FCHSD2: variants seen among roughly 807,000 people sequenced by gnomAD.
FCHSD2 encodes FCH and double SH3 domains 2, also known as F-BAR and double SH3 domains protein 2.
A neutral mutation model predicts 108.1 loss-of-function variants in FCHSD2; 38 were observed. That is an observed-to-expected ratio of 0.35 (90% CI 0.27 to 0.46). The LOEUF (loss-of-function observed/expected upper bound fraction) is 0.46, where lower values mean the gene tolerates loss of function less well. Ranked by LOEUF, FCHSD2 falls within the 20% of genes least tolerant of loss-of-function variation. The pLI is 1.00. For missense variants in FCHSD2, 751 were observed against 897.8 expected (o/e 0.84, Z 2.09); for synonymous variants, 279 against 314.7 (o/e 0.89, Z 1.20).
At chr11:72,971,997 A>G (rs1046345286) in intron 8 of FCHSD2, among the ~76,000 whole-genome samples, 1 of 152,214 alleles carries the variant, frequency 6.6e-6, no homozygotes, top group Non-Finnish European at 1.5e-5. Flanking sequence ...TCAAAACTCA[A>G]CCAACCCTAT....
At position 72,993,973 on chromosome 11, in the gene FCHSD2, T is replaced by C. The variant is rs567068757; in HGVS notation, c.388-4876A>G. The stretch of plus-strand genomic sequence containing the variant: ...GCTTTGGGCTTCTGTGAGTACGGTG[T>C]ATCCGGACATGTCCCTTACAGGGAC... On this transcript the variant is annotated intron_variant, in intron 5 of 19. Coordinates refer to ENST00000409418, the MANE Select transcript of FCHSD2 (RefSeq NM_014824.3). Among the ~76,000 whole-genome samples the C allele has an allele frequency of 3.3e-5, 5 of 152,282 alleles. No homozygotes were observed. The South Asian group carries it at 8.3e-4, about 25-fold the overall frequency.
intron 3 of FCHSD2, among the ~76,000 whole-genome samples, chr11:73,044,938 C>T (rs767620442): frequency 4.0e-4 from 61 of 152,098 alleles, no homozygotes; most frequent in Non-Finnish European, 8.2e-4. Flanking sequence ...GGTGTGGTGA[C>T]ACGTGCCTGT....
At chr11:72,890,304 T>A (rs1855287389) in intron 10 of FCHSD2, among the ~76,000 whole-genome samples, 1 of 152,250 alleles carries the variant, frequency 6.6e-6, no homozygotes, top group Non-Finnish European at 1.5e-5. Context: ...GGTGATAAAA[T>A]CATTGCATAA....
intron 5 of FCHSD2, among the ~76,000 whole-genome samples, chr11:72,990,886 C>T (rs1197502627): frequency 1.3e-5 from 2 of 151,848 alleles, no homozygotes; most frequent in African/African-American, 4.8e-5. Context: ...AATAGAGACA[C>T]AAAAAAACCC....
intron 11 of FCHSD2, among the ~76,000 whole-genome samples, chr11:72,889,479 A>T (rs79280809): frequency 0.046 from 6,988 of 152,210 alleles, 227 homozygotes; most frequent in Non-Finnish European, 0.069. Flanking sequence ...TACAGAAAAA[A>T]CACATATAAT....
chr11:72,858,248 T>C (rs904352169), intron 13 of FCHSD2, among the ~76,000 whole-genome samples: 7 of 152,124 alleles, frequency 4.6e-5, no homozygotes, highest in African/African-American at 1.7e-4. Context: ...AAATACAACA[T>C]GAGTAAGTTA....
intron 8 of FCHSD2, among the ~76,000 whole-genome samples, chr11:72,973,547 T>C (rs563502477): frequency 2.8e-4 from 42 of 152,348 alleles, no homozygotes; most frequent in Admixed American, 6.5e-5. Flanking sequence ...CAGGGCATGA[T>C]ACTATCTAAG....
At chr11:72,962,127 A>G (rs1338631908) in intron 8 of FCHSD2, among the ~76,000 whole-genome samples, 1 of 152,190 alleles carries the variant, frequency 6.6e-6, no homozygotes, top group Non-Finnish European at 1.5e-5. Context: ...GAGGTTCTCA[A>G]GGTAAGATCA....
chr11:72,953,152 G>C (rs758899450), intron 8 of FCHSD2, among the ~76,000 whole-genome samples: 1 of 152,164 alleles, frequency 6.6e-6, no homozygotes, highest in Non-Finnish European at 1.5e-5. Flanking sequence ...AACAGTGCTG[G>C]ATCAGAAAGA....
At position 73,096,987 on chromosome 11, in the gene FCHSD2, ATTTTTTTT is replaced by A. The variant is rs60223064; in HGVS notation, c.120-13255_120-13248del. 1.3e-3 allele frequency among the ~76,000 whole-genome samples: 35 copies of A among 27,044 alleles called. 2 individuals carry two copies. The East Asian group carries it at 0.019, about 15-fold the overall frequency. 17.7% of individuals were successfully genotyped at this position (27,044 alleles called of 152,430 possible). A position where few individuals can be genotyped will look rare whatever the true frequency, so the allele number is the denominator to read the frequency against. On this transcript the variant is annotated intron_variant, in intron 2 of 19. Coordinates refer to ENST00000409418, the MANE Select transcript of FCHSD2 (RefSeq NM_014824.3). Reference sequence around the variant, plus strand: ...CTAATGTGATGTATTTCATTGATGGATTTTTTTTTTTTTTTTTTTTTTTTTTTTTGATG... The same window carrying A: ...CTAATGTGATGTATTTCATTGATGGATTTTTTTTTTTTTTTTTTTTTGATG...
rs749327485 is a variant in FCHSD2 at position 72,867,861 on chromosome 11, G to C, written c.1308+4C>G. On this transcript the variant is annotated splice_donor_region_variant and intron_variant, in intron 13 of 19. Coordinates refer to ENST00000409418, the MANE Select transcript of FCHSD2 (RefSeq NM_014824.3). ...CTTGTCATATCCAAGAAAAGAAATC[G>C]TACCGAGTGTAAAGTGCCATTACTG... is the stretch of plus-strand genomic sequence containing the variant. 43 of 1,610,090 alleles carry C rather than the reference G, an allele frequency of 2.7e-5. No homozygotes were observed. The South Asian group carries it at 4.8e-4, about 18-fold the overall frequency.
At chr11:73,084,334 A>G (rs2135515192) in intron 2 of FCHSD2, among the ~76,000 whole-genome samples, 1 of 152,316 alleles carries the variant, frequency 6.6e-6, no homozygotes, top group East Asian at 1.9e-4. Flanking sequence ...GTATGATGAG[A>G]GCACACTTTC....
chr11:72,926,487 T>A (rs1029394138), intron 8 of FCHSD2, among the ~76,000 whole-genome samples: 1 of 151,870 alleles, frequency 6.6e-6, no homozygotes, highest in African/African-American at 2.4e-5. Context: ...CAGAGACAAC[T>A]TGCCAGCAGA....
rs768211303 is a variant in FCHSD2 at position 73,001,111 on chromosome 11, G to C, written c.266C>G (p.Ser89Cys). 8.7e-6 allele frequency: 14 copies of C among 1,613,194 alleles called. No homozygotes were observed. Among genetic ancestry groups the C allele is most frequent in the Non-Finnish European group, 1.2e-5 (14 of 1,179,612 alleles). Residue 89 changes from serine (S) to cysteine (C), a missense_variant, in exon 5 of 20, where the codon TCT (serine) becomes TGT (cysteine). Ser to Cys is a moderately radical substitution (Grantham distance 112). Transcript: ENST00000409418. ...DYRSMYPVWK[S>C]FLEGTMQVAQ... ...TACCTGCATTGTTCCCTCGAGAAAA[G>C]ATTTCCAAACGGGATACATGCTCCT... is the stretch of plus-strand genomic sequence containing the variant.
chr11:72,889,581 C>T (rs750204292), intron 11 of FCHSD2, among the ~76,000 whole-genome samples: 8 of 152,120 alleles, frequency 5.3e-5, no homozygotes, highest in Non-Finnish European at 7.4e-5. Flanking sequence ...GGCATAGTGG[C>T]ATGTGCCTGT....
chr11:73,011,014 G>A (rs1397283602), intron 4 of FCHSD2, among the ~76,000 whole-genome samples: 1 of 152,176 alleles, frequency 6.6e-6, no homozygotes, highest in African/African-American at 2.4e-5. Flanking sequence ...GCCTGCAGGT[G>A]CCATGTGCAG....
intron 11 of FCHSD2, 33 bp from the exon 12 acceptor site, chr11:72,887,607 G>T: frequency 7.5e-7 from 1 of 1,335,208 alleles, no homozygotes; most frequent in Non-Finnish European, 1.0e-6. Context: ...AATGATGACT[G>T]TTTTTTACTT....
chr11:72,968,949 A>G (rs1379291546), intron 8 of FCHSD2, among the ~76,000 whole-genome samples: 1 of 152,264 alleles, frequency 6.6e-6, no homozygotes, highest in Non-Finnish European at 1.5e-5. Flanking sequence ...CTGATAGGTA[A>G]TAATATTAAG....
At chr11:72,924,680 T>A (rs1157249022) in intron 8 of FCHSD2, among the ~76,000 whole-genome samples, 5 of 117,526 alleles carry the variant, frequency 4.3e-5, no homozygotes, top group African/African-American at 1.4e-4. Context: ...TCCATTAAAC[T>A]TTTTTTTTTT....
Sources: gnomAD v4.1 joint callset for allele counts (sites outside exome capture counted in the v4.1 genomes callset) on GRCh38, gnomAD v4.1.1 for gene constraint, MANE v1.5 for transcripts, NCBI Gene and HGNC (gene_info 2026-07-23, HGNC 2026-07-21) for gene names.